POLH: variants seen among roughly 807,000 people sequenced by gnomAD.
POLH encodes the protein DNA polymerase eta.
POLH carries 53 observed loss-of-function variants against 73.6 expected under a neutral mutation model. The observed-to-expected ratio is 0.72, with a 90% CI of 0.58 to 0.91. The LOEUF is 0.91. Among genes scored for constraint, POLH ranks in the 40% least tolerant of loss-of-function variants. The pLI is 0.00. For missense variants in POLH, 768 were observed against 865.4 expected (o/e 0.89, Z 1.41); for synonymous variants, 292 against 308.5 (o/e 0.95, Z 0.56).
chr6:43,613,571 A>C (rs1561914621), intron 10 of POLH, 89 bp from the exon 11 acceptor site: 1 of 1,111,392 alleles, frequency 9.0e-7, no homozygotes, highest in South Asian at 1.3e-5. Context: ...ATGGTGAAAT[A>C]AAACAGATAC....
At chr6:43,607,967 C>T (rs143244378) in intron 9 of POLH, among the ~76,000 whole-genome samples, 3 of 152,080 alleles carry the variant, frequency 2.0e-5, no homozygotes, top group African/African-American at 7.2e-5. Context: ...CCTGTCTCTA[C>T]TAAAAATACA....
At chr6:43,593,510 C>T (rs1765693777) in intron 4 of POLH, among the ~76,000 whole-genome samples, 1 of 152,136 alleles carries the variant, frequency 6.6e-6, no homozygotes, top group Non-Finnish European at 1.5e-5. Context: ...AGAAAGTATA[C>T]AAGTAGATCC....
At position 43,611,598 on chromosome 6, in the gene POLH, G is replaced by T. The variant is rs190518014; in HGVS notation, c.1244+875G>T. 4.5e-3 allele frequency among the ~76,000 whole-genome samples: 685 copies of T among 152,150 alleles called. 2 individuals carry two copies. Among genetic ancestry groups the T allele is most frequent in the Middle Eastern group, 0.01 (3 of 294 alleles). On this transcript the variant is annotated intron_variant, in intron 10 of 10. Transcript: ENST00000372236. ...TTTAAAGTATTCCAAATTCACAATAGAAATATAATTATGAGAGAGAGGTAA... is the reference window on the plus strand; with the variant it reads ...TTTAAAGTATTCCAAATTCACAATATAAATATAATTATGAGAGAGAGGTAA...
intron 9 of POLH, among the ~76,000 whole-genome samples, chr6:43,610,053 A>C (rs1767715450): frequency 7.4e-6 from 1 of 134,696 alleles, no homozygotes; most frequent in Non-Finnish European, 1.6e-5. Context: ...ATATATATAG[A>C]TTCTTTTTTT....
rs1334629458 is a variant in POLH, at chr6:43,616,323, G to C, written c.*1766G>C. On this transcript the variant is annotated 3_prime_UTR_variant, in exon 11 of 11. Transcript: ENST00000372236. The stretch of plus-strand genomic sequence containing the variant: ...AAAACTTCTCTTTAGGCTGGGTGCG[G>C]TTCCTCATGCCTATAATCCCAGCAT... Among the ~76,000 whole-genome samples, 1 of 151,662 alleles carries C rather than the reference G, an allele frequency of 6.6e-6. No individual in the cohort carries two copies. The highest frequency in any genetic ancestry group is 1.5e-5 in the Non-Finnish European group (1 of 67,948).
At chr6:43,603,831 T>C (rs949871927) in intron 6 of POLH, 61 bp from the exon 7 acceptor site, 1 of 1,569,024 alleles carries the variant, frequency 6.4e-7, no homozygotes, top group Non-Finnish European at 8.8e-7. Context: ...ATGTCTTACG[T>C]TTGCTGCTAA....
rs1768630368 is a variant in POLH, at chr6:43,620,313, T to C, written c.*5756T>C. 2 of 516,252 alleles carry C rather than the reference T, an allele frequency of 3.9e-6. No homozygotes were observed. The highest frequency in any genetic ancestry group is 7.7e-6 in the Non-Finnish European group (2 of 259,400). 32.0% of individuals were successfully genotyped at this position (516,252 alleles called of 1,614,324 possible). On this transcript the variant is annotated 3_prime_UTR_variant, in exon 11 of 11. Transcript: ENST00000372236. The stretch of plus-strand genomic sequence containing the variant: ...CGGAAAATAGGCCACAATACTTGGT[T>C]ACAATACTGGAACTCTGAACCTATG...
At chr6:43,591,584 G>T (rs1023216047) in intron 4 of POLH, among the ~76,000 whole-genome samples, 2 of 150,784 alleles carry the variant, frequency 1.3e-5, no homozygotes, top group African/African-American at 4.9e-5. Context: ...CTCCCAAAGT[G>T]CTGGGATTAC....
chr6:43,586,219 C>T (rs1375708301), intron 3 of POLH, among the ~76,000 whole-genome samples: 2 of 152,060 alleles, frequency 1.3e-5, no homozygotes, highest in Admixed American at 1.3e-4. Context: ...TGGCTCACGC[C>T]GGTAATCCCA....
rs537652506 is a variant in POLH at position 43,602,014 on chromosome 6, C to T, written c.764+923C>T. On this transcript the variant is annotated intron_variant, in intron 6 of 10. Transcript: ENST00000372236. ...CGGAGGTTGCAGTGAGCCAAAATGG[C>T]GCCCTTGCACTCTAGCCTGGGTGAC... 1.5e-3 allele frequency among the ~76,000 whole-genome samples: 224 copies of T among 152,246 alleles called. 1 individual carries two copies. Among genetic ancestry groups the T allele is most frequent in the African/African-American group, 4.9e-3 (202 of 41,548 alleles).
At chr6:43,611,085 C>G (rs1767839651) in intron 10 of POLH, among the ~76,000 whole-genome samples, 1 of 152,182 alleles carries the variant, frequency 6.6e-6, no homozygotes, top group Admixed American at 6.5e-5. Flanking sequence ...TGAGCTCTTC[C>G]ATCTGGGATA....
At chr6:43,586,020 T>C (rs1764789058) in intron 3 of POLH, among the ~76,000 whole-genome samples, 1 of 152,150 alleles carries the variant, frequency 6.6e-6, no homozygotes. Flanking sequence ...GTCAAGTATT[T>C]CTCTAATTCT....
intron 1 of POLH, chr6:43,578,302 G>C: frequency 3.3e-6 from 1 of 299,754 alleles, no homozygotes; most frequent in South Asian, 2.8e-5. Flanking sequence ...CAGGAGAATC[G>C]CTTGAACCCG....
In POLH at chr6:43,583,079, G is replaced by T. The variant is rs149295738; in HGVS notation, c.210G>T (p.Lys70Asn). Residue 70 changes from lysine to asparagine, a missense_variant, in exon 3 of 11, where the codon AAG (lysine) becomes AAT (asparagine). Coordinates refer to ENST00000372236, the MANE Select transcript of POLH (RefSeq NM_006502.3). ...GTATGTGGGCAGATGATGCTAAGAAGTTATGTCCAGATCTTCTACTGGCAC... is the reference window on the plus strand; with the variant it reads ...GTATGTGGGCAGATGATGCTAAGAATTTATGTCCAGATCTTCTACTGGCAC... ...TRSMWADDAKKLCPDLLLAQV... is the reference protein window; with the variant it reads ...TRSMWADDAKNLCPDLLLAQV... 104 of 1,613,704 alleles carry T rather than the reference G, an allele frequency of 6.4e-5. No individual in the cohort carries two copies. The highest frequency in any genetic ancestry group is 8.4e-5 in the Non-Finnish European group (99 of 1,179,788).
Position 43,618,913 on chromosome 6 carries a change from G to A in POLH, c.*4356G>A, listed in dbSNP as rs763456813. Among the ~76,000 whole-genome samples, 2 of 149,968 alleles carry A rather than the reference G, an allele frequency of 1.3e-5. No individual in the cohort carries two copies. Among genetic ancestry groups the A allele is most frequent in the Non-Finnish European group, 1.5e-5 (1 of 67,576 alleles). ...CCCAAAGTGCTGGGATTACAGGCCT[G>A]AGCCACCAGGCCAGCCCCAACTTCT... is the stretch of plus-strand genomic sequence containing the variant. On this transcript the variant is annotated 3_prime_UTR_variant, in exon 11 of 11. Coordinates refer to ENST00000372236, the MANE Select transcript of POLH (RefSeq NM_006502.3).
intron 5 of POLH, among the ~76,000 whole-genome samples, chr6:43,600,331 T>G (rs759263352): frequency 1.3e-5 from 2 of 151,720 alleles, no homozygotes; most frequent in African/African-American, 4.8e-5. Flanking sequence ...GGCAGGAGAA[T>G]TGTGTGAACC....
chr6:43,602,476 GTC>G, intron 6 of POLH, among the ~76,000 whole-genome samples: 1 of 152,280 alleles, frequency 6.6e-6, no homozygotes, highest in South Asian at 2.1e-4. Context: ...AATTTGGAGA[GTC>G]AGACAAAAAC....
At chr6:43,604,783 C>T (rs1447589516) in intron 8 of POLH, 45 bp downstream of exon 8, 1 of 1,608,668 alleles carries the variant, frequency 6.2e-7, no homozygotes, top group Admixed American at 1.7e-5. Flanking sequence ...TTAAAGGGGT[C>T]AGTGGGTAGG....
At chr6:43,578,775 A>G (rs1763683489) in intron 1 of POLH, among the ~76,000 whole-genome samples, 2 of 151,972 alleles carry the variant, frequency 1.3e-5, no homozygotes, top group Admixed American at 1.3e-4. Flanking sequence ...ATGATGTTAT[A>G]TATTATTTTC....
Sources: allele counts gnomAD v4.1 joint callset (sites outside exome capture counted in the v4.1 genomes callset), GRCh38; gene constraint gnomAD v4.1.1; transcripts MANE v1.5; gene names NCBI Gene and HGNC (gene_info 2026-07-23, HGNC 2026-07-21).